The following ANO4 variants were observed in gnomAD, a reference collection of about 807,000 sequenced individuals.
ANO4 encodes the protein anoctamin-4.
ANO4 carries 69 observed loss-of-function variants against 141.9 expected under a neutral mutation model. The ratio of observed to expected loss-of-function variants is 0.49; its 90% CI spans 0.40 to 0.59. ANO4 has a LOEUF of 0.59. ANO4 is among the 20% of genes least tolerant of loss of function. The pLI is 0.00. For missense variants in ANO4, 894 were observed against 1,162.2 expected, an observed-to-expected ratio of 0.77 and a Z score of 3.36; for synonymous variants, 350 against 394.3, an observed-to-expected ratio of 0.89 and a Z score of 1.33.
intron 1 of ANO4, among the ~76,000 whole-genome samples, chr12:100,862,157 G>T (rs940599431): frequency 6.6e-6 from 1 of 152,046 alleles, no homozygotes; most frequent in African/African-American, 2.4e-5. Context: ...AAACACCTGG[G>T]CTCAAGCGAT....
At chr12:100,837,166 A>G (rs1215872490) in intron 1 of ANO4, among the ~76,000 whole-genome samples, 1 of 152,190 alleles carries the variant, frequency 6.6e-6, no homozygotes, top group Non-Finnish European at 1.5e-5. Context: ...ATTGTTAATA[A>G]AAATGTTGAT....
intron 8 of ANO4, among the ~76,000 whole-genome samples, chr12:100,999,896 A>C (rs527398365): frequency 1.3e-5 from 2 of 151,118 alleles, no homozygotes; most frequent in African/African-American, 4.9e-5. Context: ...AAAAAAAAAA[A>C]ACTTTAGCCA....
chr12:101,120,407 G>T, intron 25 of ANO4, 113 bp from the exon 26 acceptor site: 1 of 871,888 alleles, frequency 1.1e-6, no homozygotes, highest in South Asian at 1.7e-5. Context: ...ATCTAGTATA[G>T]AGAAACTTCA....
chr12:100,896,180 A>T (rs1331305238), intron 1 of ANO4, among the ~76,000 whole-genome samples: 2 of 152,192 alleles, frequency 1.3e-5, no homozygotes. Context: ...TGCAAGTGTT[A>T]CCTTGTTTGA....
At chr12:101,083,606 T>G (rs1593225694) in intron 15 of ANO4, 72 bp from the exon 16 acceptor site, 160 of 1,526,128 alleles carry the variant, frequency 1.0e-4, no homozygotes, top group East Asian at 4.8e-5. Flanking sequence ...TATGGTGGGG[T>G]AAAATGATAT....
At chr12:100,946,269 A>T (rs2042715958) in intron 5 of ANO4, among the ~76,000 whole-genome samples, 1 of 152,226 alleles carries the variant, frequency 6.6e-6, no homozygotes, top group Non-Finnish European at 1.5e-5. Flanking sequence ...ATAGGAAGCC[A>T]CTGGAGAGAT....
chr12:101,004,955 A>G (rs1024482572), intron 8 of ANO4, among the ~76,000 whole-genome samples: 8 of 152,210 alleles, frequency 5.3e-5, no homozygotes, highest in Admixed American at 3.3e-4. Flanking sequence ...CAGATTTTGC[A>G]GATGCTTGGC....
At chr12:100,998,996 G>A (rs1462773409) in intron 8 of ANO4, among the ~76,000 whole-genome samples, 2 of 152,192 alleles carry the variant, frequency 1.3e-5, no homozygotes, top group Non-Finnish European at 2.9e-5. Context: ...GAAGGGTTAA[G>A]TAACTTATCC....
At chr12:100,813,001 A>G (rs2035536357) in intron 1 of ANO4, among the ~76,000 whole-genome samples, 1 of 152,174 alleles carries the variant, frequency 6.6e-6, no homozygotes. Context: ...ATCTCAAATA[A>G]AGCTTTGAAA....
intron 1 of ANO4, among the ~76,000 whole-genome samples, chr12:100,816,430 C>CCCACT (rs1420994652): frequency 6.6e-6 from 1 of 151,850 alleles, no homozygotes. Context: ...GTGGGAACAG[C>CCCACT]ATATTACAAA....
intron 15 of ANO4, among the ~76,000 whole-genome samples, chr12:101,081,905 AG>A (rs1358027934): frequency 1.3e-5 from 2 of 152,330 alleles, no homozygotes; most frequent in African/African-American, 2.4e-5. Flanking sequence ...ATATTGGAGT[AG>A]GGTCCACCCT....
intron 1 of ANO4, among the ~76,000 whole-genome samples, chr12:100,834,936 A>T (rs1354061526): frequency 6.6e-6 from 1 of 152,154 alleles, no homozygotes; most frequent in Non-Finnish European, 1.5e-5. Context: ...ACCAGCCTAG[A>T]GGTCATTGCA....
At chr12:100,795,375 G>A (rs1288085929) in intron 1 of ANO4, among the ~76,000 whole-genome samples, 1 of 152,208 alleles carries the variant, frequency 6.6e-6, no homozygotes, top group East Asian at 1.9e-4. Context: ...TGAATCCTCA[G>A]TGTGCCAGGG....
intron 18 of ANO4, 116 bp from the exon 19 acceptor site, chr12:101,096,420 C>A: frequency 1.3e-6 from 1 of 754,328 alleles, no homozygotes. Context: ...CTGGAGTCTC[C>A]TGCAGCCTCC....
intron 3 of ANO4, among the ~76,000 whole-genome samples, chr12:100,763,214 C>T (rs982869572): frequency 6.6e-6 from 1 of 152,118 alleles, no homozygotes; most frequent in Admixed American, 6.5e-5. Context: ...GCATTGGAGC[C>T]TAGTTTCTCT....
At chr12:101,033,407 T>G (rs2047061923) in intron 9 of ANO4, among the ~76,000 whole-genome samples, 1 of 152,000 alleles carries the variant, frequency 6.6e-6, no homozygotes, top group African/African-American at 2.4e-5. Context: ...GCATGTCACA[T>G]GTATATATAT....
chr12:100,783,648 C>A (rs1173943578), intron 3 of ANO4, among the ~76,000 whole-genome samples: 1 of 152,044 alleles, frequency 6.6e-6, no homozygotes, highest in Non-Finnish European at 1.5e-5. Context: ...TTTATAAAAT[C>A]TAAGGGTGGC....
chr12:100,783,206 G>A (rs1286759199), intron 3 of ANO4, among the ~76,000 whole-genome samples: 1 of 152,164 alleles, frequency 6.6e-6, no homozygotes, highest in Non-Finnish European at 1.5e-5. Flanking sequence ...GCTGATGGTA[G>A]GAGGACAGAC....
chr12:101,069,041 G>C, intron 14 of ANO4: 1 of 830,020 alleles, frequency 1.2e-6, no homozygotes, highest in East Asian at 2.5e-5. Context: ...GTTGGCTAAG[G>C]TACACTAGGA....
Sources: gnomAD v4.1 joint callset for allele counts (sites outside exome capture counted in the v4.1 genomes callset) on GRCh38, gnomAD v4.1.1 for gene constraint, MANE v1.5 for transcripts, NCBI Gene and HGNC (gene_info 2026-07-23, HGNC 2026-07-21) for gene names.